Variants in PDIA5 observed in about 807,000 individuals in gnomAD.
PDIA5 encodes protein disulfide isomerase family A member 5.
PDIA5 carries 58 observed loss-of-function variants against 77.6 expected under a neutral mutation model. The observed-to-expected ratio is 0.75, with a 90% CI of 0.61 to 0.93. PDIA5 has a LOEUF of 0.93. Among genes scored for constraint, PDIA5 ranks in the 40% least tolerant of loss-of-function variants. The probability of loss-of-function intolerance (pLI) is 0.00; values close to 1 mark genes in which losing one functional copy is unlikely to be tolerated. For synonymous variants in PDIA5, 250 were observed against 252.1 expected, an observed-to-expected ratio of 0.99 and a Z score of 0.08; for missense variants, 630 against 647.7, an observed-to-expected ratio of 0.97 and a Z score of 0.30.
chr3:123,117,870 G>A (rs1295952359), intron 8 of PDIA5, among the ~76,000 whole-genome samples: 1 of 152,122 alleles, frequency 6.6e-6, no homozygotes, highest in African/African-American at 2.4e-5. Flanking sequence ...TAGCAGAAGT[G>A]TCTTGATGGC....
chr3:123,149,892 A>G (rs1177912039), intron 13 of PDIA5, among the ~76,000 whole-genome samples: 1 of 152,138 alleles, frequency 6.6e-6, no homozygotes, highest in Non-Finnish European at 1.5e-5. Context: ...GGGGGCAGAA[A>G]GGAGGGGCCT....
At chr3:123,147,760 A>G (rs760643568) in intron 13 of PDIA5, among the ~76,000 whole-genome samples, 1 of 152,224 alleles carries the variant, frequency 6.6e-6, no homozygotes, top group Non-Finnish European at 1.5e-5. Context: ...CTTACCCCTC[A>G]AGGCCTTCTG....
chr3:123,094,919 C>G (rs1248139101), intron 3 of PDIA5, among the ~76,000 whole-genome samples: 1 of 152,174 alleles, frequency 6.6e-6, no homozygotes, highest in African/African-American at 2.4e-5. Context: ...CAGGAGTGCA[C>G]AGGCCACCCT....
chr3:123,087,505 A>T (rs1289356484), intron 1 of PDIA5, among the ~76,000 whole-genome samples: 1 of 144,858 alleles, frequency 6.9e-6, no homozygotes, highest in African/African-American at 2.6e-5. Context: ...AACCCTAATT[A>T]TTTCTGTGAT....
At chr3:123,120,478 C>G (rs942647801) in intron 8 of PDIA5, among the ~76,000 whole-genome samples, 3 of 152,258 alleles carry the variant, frequency 2.0e-5, no homozygotes, top group Admixed American at 2.0e-4. Context: ...CTGCCCTGCA[C>G]CACATTCCTT....
chr3:123,111,881 A>T (rs554902641), intron 7 of PDIA5, among the ~76,000 whole-genome samples: 9 of 152,224 alleles, frequency 5.9e-5, no homozygotes, highest in African/African-American at 1.4e-4. Flanking sequence ...CTGTTTTTTT[A>T]AAAAATTATT....
chr3:123,121,100 C>T (rs1935106106), intron 8 of PDIA5, among the ~76,000 whole-genome samples: 1 of 152,252 alleles, frequency 6.6e-6, no homozygotes, highest in Non-Finnish European at 1.5e-5. Flanking sequence ...GGCCAACTCA[C>T]TCAGCCTTTT....
At chr3:123,087,749 A>G (rs924797332) in intron 1 of PDIA5, among the ~76,000 whole-genome samples, 6 of 152,154 alleles carry the variant, frequency 3.9e-5, no homozygotes, top group African/African-American at 1.4e-4. Flanking sequence ...TTGAAGAGCA[A>G]GGCACTAGCA....
At chr3:123,113,259 G>C (rs555451759) in intron 7 of PDIA5, among the ~76,000 whole-genome samples, 1 of 152,178 alleles carries the variant, frequency 6.6e-6, no homozygotes, top group African/African-American at 2.4e-5. Context: ...CGGCATCCGG[G>C]TGTAACCAGG....
In PDIA5 at chr3:123,073,761, G is replaced by A. The variant is rs117124827; in HGVS notation, c.42+6555G>A. ...AGAGTTTCCAGCTCACTAGAGTTGC[G>A]GGGGCGCAAGGGTGGAGTGTCCATT... On this transcript the variant is annotated intron_variant, in intron 1 of 16. Coordinates refer to ENST00000316218, the MANE Select transcript of PDIA5 (RefSeq NM_006810.4). Among the ~76,000 whole-genome samples the A allele has an allele frequency of 1.1e-4, 17 of 152,304 alleles. No homozygotes were observed. The East Asian group carries it at 2.7e-3, about 24-fold the overall frequency.
Position 123,161,401 on chromosome 3 carries a change from T to C in PDIA5, c.1425T>C (p.Thr475=), listed in dbSNP as rs1936157216. 1 of 1,614,170 alleles carries C rather than the reference T, an allele frequency of 6.2e-7. No homozygotes were observed. Among genetic ancestry groups the C allele is most frequent in the Non-Finnish European group, 8.5e-7 (1 of 1,180,034 alleles). The change falls in exon 16 of 17, where the codon ACT becomes ACC. Residue 475 remains threonine (T), a synonymous_variant. Transcript: ENST00000316218. ...CQQEAVKGYP[T]FHYYHYGKFA... ...AGGAGGCGGTCAAGGGCTACCCCAC[T>C]TTCCACTACTACCACTATGGGAAGT...
At chr3:123,151,975 GCCTTCCTTCCTGCCTT>G (rs1322498825) in intron 14 of PDIA5, among the ~76,000 whole-genome samples, 9 of 121,512 alleles carry the variant, frequency 7.4e-5, no homozygotes, top group African/African-American at 2.9e-4. Context: ...CTTCCTTCCT[GCCTTCCTTCCTGCCTT>G]CCTGCCTTCC....
intron 7 of PDIA5, among the ~76,000 whole-genome samples, chr3:123,112,496 C>A (rs926859204): frequency 7.0e-6 from 1 of 142,394 alleles, no homozygotes; most frequent in African/African-American, 2.6e-5. Flanking sequence ...GAGCCAGTAG[C>A]TTATTCGCCA....
At chr3:123,110,493 A>G (rs191679135) in intron 6 of PDIA5, among the ~76,000 whole-genome samples, 2 of 152,284 alleles carry the variant, frequency 1.3e-5, no homozygotes, top group Admixed American at 1.3e-4. Flanking sequence ...TCAGGCACAC[A>G]TGAAAACAGC....
chr3:123,067,441 C>T (rs1003424178), intron 1 of PDIA5: 8 of 398,488 alleles, frequency 2.0e-5, no homozygotes, highest in Non-Finnish European at 3.5e-5. Context: ...CTGTGGGGCG[C>T]CGGGAGATCC....
intron 11 of PDIA5, among the ~76,000 whole-genome samples, chr3:123,140,603 T>C (rs1318943818): frequency 2.0e-5 from 2 of 101,150 alleles, no homozygotes; most frequent in Non-Finnish European, 3.9e-5. Flanking sequence ...TGCCTATCCA[T>C]CAGAGCAGGG....
At chr3:123,130,226 C>T (rs536871569) in intron 10 of PDIA5, among the ~76,000 whole-genome samples, 131 of 152,358 alleles carry the variant, frequency 8.6e-4, no homozygotes, top group African/African-American at 2.8e-3. Flanking sequence ...GAGCTGTAGC[C>T]AGAAGCCACT....
Position 123,071,163 on chromosome 3 carries a change from C to T in PDIA5, c.42+3957C>T, listed in dbSNP as rs1303284109. On this transcript the variant is annotated intron_variant, in intron 1 of 16. Coordinates refer to ENST00000316218, the MANE Select transcript of PDIA5 (RefSeq NM_006810.4). The stretch of plus-strand genomic sequence containing the variant: ...TTAAAAATATATATATTCTGCTGAT[C>T]TGTGAGATTCAGAACTGATCTAACT... Among the ~76,000 whole-genome samples, 13 of 152,214 alleles carry T rather than the reference C, an allele frequency of 8.5e-5. No homozygotes were observed. The East Asian group carries it at 2.1e-3, about 25-fold the overall frequency.
chr3:123,124,222 T>A, intron 9 of PDIA5, 50 bp from the exon 10 acceptor site: 1 of 1,570,084 alleles, frequency 6.4e-7, no homozygotes, highest in Non-Finnish European at 8.8e-7. Flanking sequence ...AATCTCAGGG[T>A]GGCATTTGCA....
Sources: allele counts gnomAD v4.1 joint callset (sites outside exome capture counted in the v4.1 genomes callset), GRCh38; gene constraint gnomAD v4.1.1; transcripts MANE v1.5; gene names NCBI Gene and HGNC (gene_info 2026-07-23, HGNC 2026-07-21).